The following SMAP1 variants were observed in gnomAD, a reference collection of about 807,000 sequenced individuals.
The protein encoded by SMAP1 is stromal membrane-associated protein 1.
SMAP1 carries 24 observed loss-of-function variants against 58.5 expected under a neutral mutation model. The observed-to-expected ratio is 0.41, with a 90% CI of 0.30 to 0.58. The LOEUF (loss-of-function observed/expected upper bound fraction) is 0.58. SMAP1 is among the 20% of genes least tolerant of loss of function. The pLI, the probability that SMAP1 is intolerant of heterozygous loss-of-function variation, is 0.29. For missense variants in SMAP1, 563 were observed against 566.3 expected (o/e 0.99, Z 0.06); for synonymous variants, 216 against 196.6 (o/e 1.10, Z -0.82).
intron 3 of SMAP1, among the ~76,000 whole-genome samples, chr6:70,760,403 T>C (rs1426856044): frequency 1.3e-5 from 2 of 152,164 alleles, no homozygotes; most frequent in Non-Finnish European, 2.9e-5. Context: ...TTGTCTAACA[T>C]GTTTGAGCTA....
At chr6:70,856,789 G>A in intron 8 of SMAP1, 70 bp from the exon 9 acceptor site, 1 of 1,424,494 alleles carries the variant, frequency 7.0e-7, no homozygotes, top group Non-Finnish European at 9.4e-7. Context: ...ACTTTATTTG[G>A]ATTTTAAGTA....
intron 6 of SMAP1, among the ~76,000 whole-genome samples, chr6:70,815,743 A>G (rs893759263): frequency 2.6e-5 from 4 of 152,120 alleles, no homozygotes; most frequent in South Asian, 2.1e-4. Flanking sequence ...GTCAATCCCC[A>G]TACACTCAAG....
chr6:70,788,654 C>T (rs1303727730), intron 4 of SMAP1, among the ~76,000 whole-genome samples: 1 of 151,854 alleles, frequency 6.6e-6, no homozygotes, highest in East Asian at 1.9e-4. Flanking sequence ...AGGAAAGGCC[C>T]CTAGAGTTCA....
At chr6:70,674,733 G>A (rs1017793922) in intron 1 of SMAP1, among the ~76,000 whole-genome samples, 5 of 152,172 alleles carry the variant, frequency 3.3e-5, no homozygotes, top group African/African-American at 1.2e-4. Context: ...CAGCACTTTG[G>A]GAGGCTGAGG....
chr6:70,761,164 T>C (rs1046151749), intron 3 of SMAP1, among the ~76,000 whole-genome samples: 2 of 152,014 alleles, frequency 1.3e-5, no homozygotes, highest in African/African-American at 4.8e-5. Flanking sequence ...TTAAAATATA[T>C]AGATACATGT....
intron 3 of SMAP1, among the ~76,000 whole-genome samples, chr6:70,768,085 A>C (rs144983801): frequency 6.6e-6 from 1 of 152,166 alleles, no homozygotes; most frequent in African/African-American, 2.4e-5. Context: ...CCAGCCTTAC[A>C]TCCCAGGGAT....
At chr6:70,802,820 G>A (rs1052541000) in intron 6 of SMAP1, among the ~76,000 whole-genome samples, 8 of 152,098 alleles carry the variant, frequency 5.3e-5, no homozygotes, top group African/African-American at 1.7e-4. Context: ...ATCGATTTGC[G>A]TATGTTGAAC....
intron 7 of SMAP1, among the ~76,000 whole-genome samples, chr6:70,841,305 C>T (rs943282789): frequency 4.6e-5 from 7 of 152,148 alleles, no homozygotes; most frequent in Admixed American, 3.3e-4. Flanking sequence ...GTACCACATG[C>T]GCACTGCAGA....
chr6:70,815,381 C>T (rs1769574311), intron 6 of SMAP1, among the ~76,000 whole-genome samples: 1 of 152,130 alleles, frequency 6.6e-6, no homozygotes. Context: ...GTTACCTTGG[C>T]AGTCCTGATG....
chr6:70,718,400 C>T (rs527270672), intron 1 of SMAP1, among the ~76,000 whole-genome samples: 1 of 152,212 alleles, frequency 6.6e-6, no homozygotes, highest in East Asian at 1.9e-4. Flanking sequence ...CCCCTTACAT[C>T]ACCAACTAAG....
chr6:70,822,943 A>G (rs1036935217), intron 6 of SMAP1, among the ~76,000 whole-genome samples: 4 of 152,050 alleles, frequency 2.6e-5, no homozygotes, highest in African/African-American at 9.7e-5. Flanking sequence ...GAGCCCACCA[A>G]AAGCGTTCTT....
chr6:70,682,170 A>ATTTTTTTTTTTTTTTTT (rs66981900), intron 1 of SMAP1, among the ~76,000 whole-genome samples: 4 of 95,920 alleles, frequency 4.2e-5, no homozygotes, highest in Non-Finnish European at 7.9e-5. Flanking sequence ...CTCTGCACAG[A>ATTTTTTTTTTTTTTTTT]TTTTTTTTTT....
chr6:70,686,656 C>G (rs1766947275), intron 1 of SMAP1, among the ~76,000 whole-genome samples: 1 of 152,094 alleles, frequency 6.6e-6, no homozygotes, highest in Non-Finnish European at 1.5e-5. Flanking sequence ...ATAATAGTGT[C>G]TTTTCAGTAC....
At chr6:70,857,702 T>G (rs1366400226) in intron 9 of SMAP1, 1 of 553,870 alleles carries the variant, frequency 1.8e-6, no homozygotes, top group Non-Finnish European at 3.2e-6. Context: ...TTACATTTCT[T>G]AATTAAATTT....
chr6:70,673,459 T>C (rs896902268), intron 1 of SMAP1, among the ~76,000 whole-genome samples: 1 of 152,200 alleles, frequency 6.6e-6, no homozygotes, highest in Non-Finnish European at 1.5e-5. Flanking sequence ...CTTTCTAACT[T>C]TTTCAAAAAG....
chr6:70,770,635 T>C (rs562814350), intron 3 of SMAP1, among the ~76,000 whole-genome samples: 1 of 152,334 alleles, frequency 6.6e-6, no homozygotes, highest in East Asian at 1.9e-4. Flanking sequence ...TTGGTTATTC[T>C]AGTTCTACAT....
chr6:70,722,750 AACATGTCCTTAAGGC>A (rs1363318383), intron 1 of SMAP1, among the ~76,000 whole-genome samples: 2 of 152,268 alleles, frequency 1.3e-5, no homozygotes, highest in African/African-American at 2.4e-5. Context: ...CTACAGCAGG[AACATGTCCTTAAGGC>A]ACAGATCGCT....
intron 6 of SMAP1, among the ~76,000 whole-genome samples, chr6:70,832,307 G>A (rs1770392671): frequency 6.6e-6 from 1 of 152,008 alleles, no homozygotes; most frequent in South Asian, 2.1e-4. Context: ...AATTGCTTTT[G>A]GTGTGGAAGT....
chr6:70,773,437 C>G lies in SMAP1; in HGVS notation c.414+12C>G. 1 of 1,445,272 alleles carries G rather than the reference C, an allele frequency of 6.9e-7. No homozygotes were observed. Among genetic ancestry groups the G allele is most frequent in the Non-Finnish European group, 9.6e-7 (1 of 1,044,718 alleles). 89.5% of individuals were successfully genotyped at this position (1,445,272 alleles called of 1,614,324 possible). A position where few individuals can be genotyped will look rare whatever the true frequency, so the allele number is the denominator to read the frequency against. ...TAGCTATTACAAATGTAAGTAAAAC[C>G]TTCATCTCTCATCAATTGTTTGTTG... On this transcript the variant is annotated intron_variant, in intron 4 of 10. Coordinates refer to ENST00000370455, the MANE Select transcript of SMAP1 (RefSeq NM_001044305.3).
Sources: allele counts gnomAD v4.1 joint callset (sites outside exome capture counted in the v4.1 genomes callset), GRCh38; gene constraint gnomAD v4.1.1; transcripts MANE v1.5; gene names NCBI Gene and HGNC (gene_info 2026-07-23, HGNC 2026-07-21).